The following DNAJC5 variants were observed in gnomAD, a reference collection of about 807,000 sequenced individuals.
DNAJC5 encodes DnaJ heat shock protein family (Hsp40) member C5.
A neutral mutation model predicts 23.2 loss-of-function variants in DNAJC5; 1 was observed. The ratio of observed to expected loss-of-function variants is 0.04; its 90% CI spans 0.02 to 0.20. DNAJC5 has a LOEUF of 0.20. Among genes scored for constraint, DNAJC5 ranks in the 10% least tolerant of loss-of-function variants. DNAJC5 has a pLI of 1.00. For missense variants in DNAJC5, 180 were observed against 267.0 expected (o/e 0.67, Z 2.27); for synonymous variants, 136 against 120.0 (o/e 1.13, Z -0.87).
At chr20:63,924,035 T>TTG (rs573617445) in intron 1 of DNAJC5, among the ~76,000 whole-genome samples, 9 of 152,224 alleles carry the variant, frequency 5.9e-5, no homozygotes, top group Non-Finnish European at 1.0e-4. Flanking sequence ...GATTCTGCTG[T>TTG]TGTGTGTGTG....
At chr20:63,905,216 A>G (rs2053440136) in intron 1 of DNAJC5, among the ~76,000 whole-genome samples, 1 of 150,646 alleles carries the variant, frequency 6.6e-6, no homozygotes, top group Non-Finnish European at 1.5e-5. Flanking sequence ...CCCGGGTTCA[A>G]GTGACTCTCC....
At chr20:63,925,635 G>A (rs1229232250) in intron 1 of DNAJC5, among the ~76,000 whole-genome samples, 3 of 151,500 alleles carry the variant, frequency 2.0e-5, no homozygotes, top group African/African-American at 7.3e-5. Context: ...ACTGTCTTTG[G>A]CTTGGAGGTG....
chr20:63,896,971 C>T (rs934994360), intron 1 of DNAJC5, among the ~76,000 whole-genome samples: 5 of 152,094 alleles, frequency 3.3e-5, no homozygotes, highest in African/African-American at 1.2e-4. Flanking sequence ...GACAGAGAGC[C>T]ACCATCTCTC....
chr20:63,928,558 C>A lies in DNAJC5; in HGVS notation c.107+106C>A. Reference sequence around the variant, plus strand: ...ACCATTGCACATACTTTATCCTGGCCGACTCAGCGTTGAACTGGTCACAGC... The same window carrying A: ...ACCATTGCACATACTTTATCCTGGCAGACTCAGCGTTGAACTGGTCACAGC... On this transcript the variant is annotated intron_variant, in intron 2 of 4. Transcript: ENST00000360864. The surrounding 1 kb of genome is among the most constrained non-coding windows in gnomAD (Gnocchi z 4.6). The A allele has an allele frequency of 1.1e-6, 1 of 941,036 alleles. No homozygotes were observed. The highest frequency in any genetic ancestry group is 1.7e-6 in the Non-Finnish European group (1 of 585,968). The allele number at this position is 941,036 out of a possible 1,614,324, so 58.3% of individuals were successfully genotyped here.
In DNAJC5 at chr20:63,931,033, G is replaced by C. The variant is rs760774827; in HGVS notation, c.493+11G>C. 3 of 1,612,764 alleles carry C rather than the reference G, an allele frequency of 1.9e-6. No homozygotes were observed. Among genetic ancestry groups the C allele is most frequent in the Non-Finnish European group, 2.5e-6 (3 of 1,179,340 alleles). ...AGTCTGACGAGAGGGGTGAGTGCCC[G>C]CCCCAGGGCCCGTGTGTGTGTGTGG... is the stretch of plus-strand genomic sequence containing the variant. On this transcript the variant is annotated intron_variant, in intron 4 of 4. Transcript: ENST00000360864. This position sits in a 1 kb window ranked among gnomAD's most constrained non-coding sequence, Gnocchi z 9.6.
intron 1 of DNAJC5, among the ~76,000 whole-genome samples, chr20:63,903,962 T>G (rs2053431029): frequency 6.6e-6 from 1 of 152,112 alleles, no homozygotes; most frequent in Non-Finnish European, 1.5e-5. Context: ...GGTGCATGCC[T>G]GTGGTCCCAG....
At chr20:63,916,972 A>T (rs1431589266) in intron 1 of DNAJC5, among the ~76,000 whole-genome samples, 2 of 152,196 alleles carry the variant, frequency 1.3e-5, no homozygotes, top group Non-Finnish European at 2.9e-5. Context: ...GTTCTTTTTC[A>T]AGGTGTACTG....
In DNAJC5 at chr20:63,933,610, TG is replaced by T. The variant is rs1257546853; in HGVS notation, c.*2046del. On this transcript the variant is annotated 3_prime_UTR_variant, in exon 5 of 5. Coordinates refer to ENST00000360864, the MANE Select transcript of DNAJC5 (RefSeq NM_025219.3). ...CCTGAAAGGTGAGGTGGCGAGACAG[TG>T]GGGTGCCTCCGTGCCGCTTCGTGCA... The T allele has an allele frequency of 6.6e-6, 1 of 152,390 alleles. No homozygotes were observed. The highest frequency in any genetic ancestry group is 1.5e-5 in the Non-Finnish European group (1 of 68,042). 9.4% of individuals were successfully genotyped at this position (152,390 alleles called of 1,614,324 possible). A position where few individuals can be genotyped will look rare whatever the true frequency, so the allele number is the denominator to read the frequency against.
chr20:63,921,760 C>T (rs924895652), intron 1 of DNAJC5, among the ~76,000 whole-genome samples: 2 of 152,082 alleles, frequency 1.3e-5, no homozygotes, highest in Admixed American at 1.3e-4. Context: ...TATAACCTTT[C>T]TGTTGACATG....
At chr20:63,923,207 G>T (rs1036519079) in intron 1 of DNAJC5, among the ~76,000 whole-genome samples, 2 of 151,872 alleles carry the variant, frequency 1.3e-5, no homozygotes, top group East Asian at 3.9e-4. Context: ...TATAATCCTG[G>T]CACTTTGGGA....
intron 1 of DNAJC5, among the ~76,000 whole-genome samples, chr20:63,912,501 C>G (rs140574841): frequency 1.3e-5 from 2 of 152,040 alleles, no homozygotes; most frequent in East Asian, 3.9e-4. Flanking sequence ...GGGGCTTTTA[C>G]CCTTTTAACT....
At chr20:63,917,223 A>G (rs1321871114) in intron 1 of DNAJC5, among the ~76,000 whole-genome samples, 3 of 152,092 alleles carry the variant, frequency 2.0e-5, no homozygotes, top group Non-Finnish European at 4.4e-5. Context: ...CTGACTTCCC[A>G]CAACACCTGG....
In DNAJC5 at chr20:63,931,691, C is replaced by G. The variant is rs765183029; in HGVS notation, c.*123C>G. The G allele has an allele frequency of 5.0e-6, 5 of 993,998 alleles. No individual in the cohort carries two copies. Among genetic ancestry groups the G allele is most frequent in the South Asian group, 1.4e-5 (1 of 72,830 alleles). 61.6% of individuals were successfully genotyped at this position (993,998 alleles called of 1,614,324 possible). A position where few individuals can be genotyped will look rare whatever the true frequency, so the allele number is the denominator to read the frequency against. The stretch of plus-strand genomic sequence containing the variant: ...GCCTGCCCTGGCCTTGCTGGGGCCC[C>G]TCCTGCCTCCACGCCCACCCAGCGT... On this transcript the variant is annotated 3_prime_UTR_variant, in exon 5 of 5. Coordinates refer to ENST00000360864, the MANE Select transcript of DNAJC5 (RefSeq NM_025219.3). This position sits in a 1 kb window ranked among gnomAD's most constrained non-coding sequence, Gnocchi z 9.6.
At chr20:63,927,129 C>T (rs1285087591) in intron 1 of DNAJC5, among the ~76,000 whole-genome samples, 2 of 152,178 alleles carry the variant, frequency 1.3e-5, no homozygotes. Context: ...TCTTAGTGTA[C>T]AGCATTCAGT....
At chr20:63,896,174 C>T (rs568917918) in intron 1 of DNAJC5, among the ~76,000 whole-genome samples, 3 of 152,306 alleles carry the variant, frequency 2.0e-5, no homozygotes, top group African/African-American at 7.2e-5. Flanking sequence ...AGTTACATTG[C>T]TCCCACTATT....
At chr20:63,922,457 ACT>A (rs1288173886) in intron 1 of DNAJC5, among the ~76,000 whole-genome samples, 2 of 134,622 alleles carry the variant, frequency 1.5e-5, no homozygotes, top group Admixed American at 7.8e-5. Context: ...ACAGAGTGAG[ACT>A]CTGTCTCAAA....
rs569457907 is a variant in DNAJC5, at chr20:63,926,324, C to A, written c.-11-2011C>A. ...TCTAGGATCTGTAGTGATGTCTTTCCTCATGTTGCTCAAAGAACCAACTCT... is the reference window on the plus strand; with the variant it reads ...TCTAGGATCTGTAGTGATGTCTTTCATCATGTTGCTCAAAGAACCAACTCT... On this transcript the variant is annotated intron_variant, in intron 1 of 4. Transcript: ENST00000360864. 2.0e-5 allele frequency among the ~76,000 whole-genome samples: 3 copies of A among 152,238 alleles called. No homozygotes were observed. The East Asian group carries it at 5.8e-4, about 29-fold the overall frequency.
rs182119637 is a variant in DNAJC5, at chr20:63,903,396, C to T, written c.-12+8073C>T. Among the ~76,000 whole-genome samples, 880 of 152,262 alleles carry T rather than the reference C, an allele frequency of 5.8e-3. 1 individual carries two copies. Among genetic ancestry groups the T allele is most frequent in the Non-Finnish European group, 9.3e-3 (635 of 68,020 alleles). On this transcript the variant is annotated intron_variant, in intron 1 of 4. Transcript: ENST00000360864. ...GATCTTGGCACACTGCAACCTCCGCCTCCTGGGTTCAAGCGATTCTCCTGC... is the reference window on the plus strand; with the variant it reads ...GATCTTGGCACACTGCAACCTCCGCTTCCTGGGTTCAAGCGATTCTCCTGC...
At position 63,931,052 on chromosome 20, in the gene DNAJC5, T is replaced by G; in HGVS notation, c.493+30T>G. ...GTGCCCGCCCCAGGGCCCGTGTGTG[T>G]GTGTGGGGCAGAGCCAGAATGGGCC... On this transcript the variant is annotated intron_variant, in intron 4 of 4. Coordinates refer to ENST00000360864, the MANE Select transcript of DNAJC5 (RefSeq NM_025219.3). This position sits in a 1 kb window ranked among gnomAD's most constrained non-coding sequence, Gnocchi z 9.6. 1 of 1,609,938 alleles carries G rather than the reference T, an allele frequency of 6.2e-7. No individual in the cohort carries two copies. The highest frequency in any genetic ancestry group is 8.5e-7 in the Non-Finnish European group (1 of 1,177,500).
Sources: allele counts gnomAD v4.1 joint callset (sites outside exome capture counted in the v4.1 genomes callset), GRCh38; gene constraint gnomAD v4.1.1; non-coding constraint Gnocchi (gnomAD v3.1); transcripts MANE v1.5; gene names NCBI Gene and HGNC (gene_info 2026-07-23, HGNC 2026-07-21).